Variants in SFMBT2 observed in about 807,000 individuals in gnomAD.
SFMBT2 encodes the protein scm-like with four MBT domains protein 2.
Under a neutral mutation model 110.1 loss-of-function variants are expected in SFMBT2, and 38 were observed. The ratio of observed to expected loss-of-function variants is 0.35; its 90% CI spans 0.27 to 0.45. SFMBT2 has a LOEUF of 0.45. Among genes scored for constraint, SFMBT2 ranks in the 20% least tolerant of loss-of-function variants. The pLI is 1.00. For synonymous variants in SFMBT2, 425 were observed against 425.4 expected (o/e 1.00, Z 0.01); for missense variants, 1,011 against 1,094.9 (o/e 0.92, Z 1.08).
At chr10:7,178,973 C>T (rs1015427755) in intron 16 of SFMBT2, among the ~76,000 whole-genome samples, 4 of 152,030 alleles carry the variant, frequency 2.6e-5, no homozygotes, top group Non-Finnish European at 5.9e-5. Context: ...GAAATTCCAG[C>T]TTTTTAGGAA....
At chr10:7,177,937 G>T (rs1011027299) in intron 16 of SFMBT2, among the ~76,000 whole-genome samples, 11 of 152,102 alleles carry the variant, frequency 7.2e-5, no homozygotes, top group African/African-American at 2.7e-4. Flanking sequence ...GACCATGTGA[G>T]GGCAGAGGGA....
intron 8 of SFMBT2, chr10:7,246,189 G>C (rs1476424787): frequency 1.0e-6 from 1 of 984,086 alleles, no homozygotes; most frequent in African/African-American, 1.8e-5. Flanking sequence ...TGCTACAAAG[G>C]GTAAGAAAAA....
chr10:7,356,144 T>A (rs1844503727), intron 4 of SFMBT2, among the ~76,000 whole-genome samples: 1 of 152,134 alleles, frequency 6.6e-6, no homozygotes, highest in South Asian at 2.1e-4. Flanking sequence ...GAAAACAGGA[T>A]CCGAGGGAGA....
chr10:7,210,946 G>C (rs1839328337), intron 11 of SFMBT2, among the ~76,000 whole-genome samples: 1 of 152,128 alleles, frequency 6.6e-6, no homozygotes, highest in Admixed American at 6.5e-5. Flanking sequence ...GGAGAGAGGA[G>C]AGAGACCCAC....
chr10:7,229,180 T>A (rs967642501), intron 9 of SFMBT2, among the ~76,000 whole-genome samples: 22 of 152,336 alleles, frequency 1.4e-4, no homozygotes, highest in African/African-American at 5.3e-4. Flanking sequence ...TCCCCCAGTT[T>A]CTTTTCCCCA....
chr10:7,397,741 T>C (rs1024472964), intron 1 of SFMBT2, among the ~76,000 whole-genome samples: 1 of 152,252 alleles, frequency 6.6e-6, no homozygotes, highest in African/African-American at 2.4e-5. Context: ...GAACCGCATC[T>C]GTAAATGGCT....
At chr10:7,275,558 A>T (rs1406955346) in intron 7 of SFMBT2, among the ~76,000 whole-genome samples, 1 of 152,184 alleles carries the variant, frequency 6.6e-6, no homozygotes, top group Non-Finnish European at 1.5e-5. Flanking sequence ...GCAAAAAATA[A>T]CAACATTGGC....
intron 4 of SFMBT2, among the ~76,000 whole-genome samples, chr10:7,340,702 A>G (rs1843871545): frequency 6.6e-6 from 1 of 150,824 alleles, no homozygotes; most frequent in Admixed American, 6.6e-5. Context: ...GCTTCTGAGT[A>G]TCACTAGATG....
intron 1 of SFMBT2, among the ~76,000 whole-genome samples, chr10:7,391,866 C>G (rs1845775827): frequency 6.6e-6 from 1 of 152,006 alleles, no homozygotes; most frequent in African/African-American, 2.4e-5. Flanking sequence ...GAATTTCTCG[C>G]GTCATTAAGA....
intron 9 of SFMBT2, chr10:7,241,068 G>C (rs1222294701): frequency 6.6e-6 from 1 of 152,180 alleles, no homozygotes; most frequent in African/African-American, 2.4e-5. Context: ...TCCTAACAGT[G>C]AATAAGTCTC....
In SFMBT2 at chr10:7,348,278, C is replaced by T. The variant is rs773951238; in HGVS notation, c.436+19371G>A. On this transcript the variant is annotated intron_variant, in intron 4 of 20. Coordinates refer to ENST00000397167, the MANE Select transcript of SFMBT2 (RefSeq NM_001387889.1). ...TGACGGTCTCGAAGAAGTTTTGAGACATCCTTTTCTAAGAAATATGTTGAA... is the reference window on the plus strand; with the variant it reads ...TGACGGTCTCGAAGAAGTTTTGAGATATCCTTTTCTAAGAAATATGTTGAA... 2.5e-5 allele frequency: 38 copies of T among 1,517,544 alleles called. No individual in the cohort carries two copies. The African/African-American group carries it at 4.6e-4, about 18-fold the overall frequency. The allele number at this position is 1,517,544 out of a possible 1,614,324, so 94.0% of individuals were successfully genotyped here.
chr10:7,326,919 G>C (rs1406869906), intron 4 of SFMBT2, among the ~76,000 whole-genome samples: 1 of 152,152 alleles, frequency 6.6e-6, no homozygotes, highest in East Asian at 1.9e-4. Flanking sequence ...GGGTTGCACA[G>C]TAATTTCTCC....
intron 12 of SFMBT2, chr10:7,203,762 C>T (rs1283102242): frequency 1.5e-5 from 10 of 651,552 alleles, no homozygotes; most frequent in Non-Finnish European, 1.7e-5. Flanking sequence ...GTCACCCAGG[C>T]TGGAGTGCAG....
chr10:7,281,826 G>A (rs1468406071), intron 6 of SFMBT2, among the ~76,000 whole-genome samples: 1 of 152,040 alleles, frequency 6.6e-6, no homozygotes, highest in Non-Finnish European at 1.5e-5. Context: ...TCTTGATGAT[G>A]AATGTCTTTT....
At chr10:7,237,942 G>C (rs770326375) in intron 9 of SFMBT2, among the ~76,000 whole-genome samples, 7 of 152,176 alleles carry the variant, frequency 4.6e-5, no homozygotes, top group Admixed American at 2.0e-4. Flanking sequence ...TCTGCACAGA[G>C]GGAACAGCAG....
At chr10:7,378,762 T>C (rs898430904) in intron 2 of SFMBT2, among the ~76,000 whole-genome samples, 3 of 144,632 alleles carry the variant, frequency 2.1e-5, no homozygotes, top group African/African-American at 7.8e-5. Context: ...AGTGTGGGTG[T>C]GTCGCTGTGG....
intron 4 of SFMBT2, among the ~76,000 whole-genome samples, chr10:7,353,440 T>A (rs1170370710): frequency 1.3e-5 from 2 of 151,846 alleles, no homozygotes; most frequent in African/African-American, 4.8e-5. Context: ...AAATGCTCAA[T>A]TATGATAAAT....
chr10:7,220,872 AC>A (rs141995345), intron 10 of SFMBT2, among the ~76,000 whole-genome samples: 2,378 of 147,362 alleles, frequency 0.016, 73 homozygotes, highest in African/African-American at 0.055. Flanking sequence ...TGATGCCCAG[AC>A]TGGAGTGCAG....
chr10:7,385,338 T>C (rs1473151031), intron 1 of SFMBT2, among the ~76,000 whole-genome samples: 4 of 152,142 alleles, frequency 2.6e-5, no homozygotes, highest in Non-Finnish European at 5.9e-5. Flanking sequence ...GGCATGGGCT[T>C]GGAGAGCGGA....
Sources: gnomAD v4.1 joint callset for allele counts (sites outside exome capture counted in the v4.1 genomes callset) on GRCh38, gnomAD v4.1.1 for gene constraint, MANE v1.5 for transcripts, NCBI Gene and HGNC (gene_info 2026-07-23, HGNC 2026-07-21) for gene names.